The following MTDH variants were observed in gnomAD, a reference collection of about 807,000 sequenced individuals.
MTDH encodes the protein protein LYRIC.
In MTDH, 34 loss-of-function variants were observed where a neutral mutation model predicts 72.7. That is an observed-to-expected ratio of 0.47 (90% confidence interval 0.36 to 0.62). MTDH has a LOEUF of 0.62. Ranked by LOEUF, MTDH falls within the 20% of genes least tolerant of loss-of-function variation. MTDH has a pLI of 0.00. For missense variants in MTDH, 677 were observed against 699.4 expected, an observed-to-expected ratio of 0.97 and a Z score of 0.36; for synonymous variants, 266 against 268.9, an observed-to-expected ratio of 0.99 and a Z score of 0.10.
In MTDH at chr8:97,690,996, T is replaced by C. The variant is rs1264318416; in HGVS notation, c.856T>C (p.Trp286Arg). 7.4e-6 allele frequency: 12 copies of C among 1,613,954 alleles called. No individual in the cohort carries two copies. Among genetic ancestry groups the C allele is most frequent in the Non-Finnish European group, 1.0e-5 (12 of 1,179,922 alleles). Reference protein sequence around the residue: ...NENLTVNGGGWNEKSVKLSSQ... With the variant: ...NENLTVNGGGRNEKSVKLSSQ... ...AAACCTCACTGTCAATGGAGGAGGC[T>C]GGAATGAAAAGTCTGTAAAACTCTC... Residue 286 changes from tryptophan (W) to arginine (R), a missense_variant, in exon 6 of 12, where the codon TGG becomes CGG. Around this residue, in one of 3 missense-constraint regions of MTDH, gnomAD observed 467 missense variants for 469.1 expected, o/e 1.00. Transcript: ENST00000336273.
At chr8:97,688,647 G>A (rs1432912573) in intron 4 of MTDH, among the ~76,000 whole-genome samples, 1 of 152,180 alleles carries the variant, frequency 6.6e-6, no homozygotes, top group Non-Finnish European at 1.5e-5. Flanking sequence ...TTCATAAGGT[G>A]ATGTGTTTGC....
intron 10 of MTDH, 23 bp downstream of exon 10, chr8:97,719,212 T>C (rs1815005198): frequency 6.2e-7 from 1 of 1,608,768 alleles, no homozygotes. Flanking sequence ...AATAATAAAG[T>C]TGCCGGGCGC....
At chr8:97,679,091 C>T (rs919059931) in intron 2 of MTDH, among the ~76,000 whole-genome samples, 6 of 152,106 alleles carry the variant, frequency 3.9e-5, no homozygotes, top group African/African-American at 1.4e-4. Flanking sequence ...GATCCAATTC[C>T]AGTTCTAACA....
Position 97,678,594 on chromosome 8 carries a change from C to CTTTTTTTTTTTTTTTTTTTTTT in MTDH, c.484-8071_484-8050dup, listed in dbSNP as rs35895126. Among the ~76,000 whole-genome samples, 12 of 85,324 alleles carry CTTTTTTTTTTTTTTTTTTTTTT rather than the reference C, an allele frequency of 1.4e-4. 2 individuals carry two copies. In the East Asian group the frequency reaches 1.6e-3, roughly 12 times the overall value. 56.0% of individuals were successfully genotyped at this position (85,324 alleles called of 152,430 possible). On this transcript the variant is annotated intron_variant, in intron 2 of 11. Transcript: ENST00000336273. ...GTTTCCTTTGCTTCCTTCCTTCCTT[C>CTTTTTTTTTTTTTTTTTTTTTT]TTTTTTTTTTTTTTTTTTTTTTTTG... is the stretch of plus-strand genomic sequence containing the variant.
chr8:97,644,671 C>T lies in MTDH; in HGVS notation c.165C>T (p.Gly55=). The part of the protein sequence containing the change: ...KRYPGWVILV[G]TGALGLLLLF... ...ACCCCGGCTGGGTGATCCTGGTGGG[C>T]ACTGGCGCGCTCGGGCTGCTGCTGC... Residue 55 remains glycine, a synonymous_variant, in exon 1 of 12, where the codon GGC becomes GGT. Coordinates refer to ENST00000336273, the MANE Select transcript of MTDH (RefSeq NM_178812.4). The T allele has an allele frequency of 6.2e-7, 1 of 1,606,222 alleles. No homozygotes were observed. Among genetic ancestry groups the T allele is most frequent in the South Asian group, 1.1e-5 (1 of 90,250 alleles).
Position 97,667,465 on chromosome 8 carries a change from A to G in MTDH, c.483+6292A>G, listed in dbSNP as rs148734811. 2.1e-3 allele frequency among the ~76,000 whole-genome samples: 320 copies of G among 152,368 alleles called. 1 individual carries two copies. Among genetic ancestry groups the G allele is most frequent in the Non-Finnish European group, 3.0e-3 (201 of 68,040 alleles). Reference sequence around the variant, plus strand: ...AAAGTTTGCTGCAAAATGAAGACTGATGATTGTCTTGAGGAAAAACACTTA... The same window carrying G: ...AAAGTTTGCTGCAAAATGAAGACTGGTGATTGTCTTGAGGAAAAACACTTA... On this transcript the variant is annotated intron_variant, in intron 2 of 11. Transcript: ENST00000336273.
intron 7 of MTDH, among the ~76,000 whole-genome samples, chr8:97,705,686 T>C (rs746993340): frequency 3.3e-5 from 5 of 152,242 alleles, no homozygotes; most frequent in Non-Finnish European, 5.9e-5. Context: ...CATTTAAGCA[T>C]TGTTGGGACA....
chr8:97,645,654 G>C (rs976225688), intron 1 of MTDH, among the ~76,000 whole-genome samples: 3 of 152,216 alleles, frequency 2.0e-5, no homozygotes, highest in South Asian at 2.1e-4. Context: ...GCCGAGAGAG[G>C]AATTCAGGCA....
In MTDH at chr8:97,707,090, G is replaced by C. The variant is rs534610487; in HGVS notation, c.1272+340G>C. 3.2e-4 allele frequency among the ~76,000 whole-genome samples: 49 copies of C among 152,012 alleles called. No homozygotes were observed. The South Asian group carries it at 1.0e-2, about 31-fold the overall frequency. The stretch of plus-strand genomic sequence containing the variant: ...CGTGGTATCAGGAATGGTTTTGCTA[G>C]GGTTGGGGTGTTGTATTTTAATGAT... On this transcript the variant is annotated intron_variant, in intron 8 of 11. Coordinates refer to ENST00000336273, the MANE Select transcript of MTDH (RefSeq NM_178812.4).
At position 97,682,264 on chromosome 8, in the gene MTDH, A is replaced by T. The variant is rs1221375082; in HGVS notation, c.484-4404A>T. Among the ~76,000 whole-genome samples, 31 of 5,640 alleles carry T rather than the reference A, an allele frequency of 5.5e-3. 3 individuals carry two copies. The East Asian group carries it at 0.067, about 12-fold the overall frequency. 3.7% of individuals were successfully genotyped at this position (5,640 alleles called of 152,430 possible). On this transcript the variant is annotated intron_variant, in intron 2 of 11. Transcript: ENST00000336273. ...TATATATATATATATATATATATATATATATATATATATATATTTTTTTTT... is the reference window on the plus strand; with the variant it reads ...TATATATATATATATATATATATATTTATATATATATATATATTTTTTTTT...
chr8:97,659,256 C>A (rs114945050), intron 1 of MTDH, among the ~76,000 whole-genome samples: 1 of 152,118 alleles, frequency 6.6e-6, no homozygotes, highest in East Asian at 1.9e-4. Flanking sequence ...CCTTTACCCA[C>A]GTACTACCTC....
rs754725448 is a variant in MTDH at position 97,730,059 on chromosome 8, C to G, written c.*5389C>G. 2.0e-5 allele frequency among the ~76,000 whole-genome samples: 3 copies of G among 152,144 alleles called. No homozygotes were observed. The highest frequency in any genetic ancestry group is 4.4e-5 in the Non-Finnish European group (3 of 68,036). On this transcript the variant is annotated 3_prime_UTR_variant, in exon 12 of 12. Transcript: ENST00000336273. The stretch of plus-strand genomic sequence containing the variant: ...TAGTGTGTTGTAAGACATTTGCCAG[C>G]TAATAGTTACAGTACTGAAGCTTGT...
Position 97,729,903 on chromosome 8 carries a change from CTATA to C in MTDH, c.*5236_*5239del, listed in dbSNP as rs1235943982. Among the ~76,000 whole-genome samples the C allele has an allele frequency of 6.6e-6, 1 of 152,158 alleles. No individual in the cohort carries two copies. The highest frequency in any genetic ancestry group is 2.4e-5 in the African/African-American group (1 of 41,440). The stretch of plus-strand genomic sequence containing the variant: ...TGCCTGCGCATACTGCAAGTACAGA[CTATA>C]TAACAAGTTGAAAGAGAATCACCCT... On this transcript the variant is annotated 3_prime_UTR_variant, in exon 12 of 12. Coordinates refer to ENST00000336273, the MANE Select transcript of MTDH (RefSeq NM_178812.4).
chr8:97,664,069 C>G (rs190059404), intron 2 of MTDH, among the ~76,000 whole-genome samples: 3 of 152,056 alleles, frequency 2.0e-5, no homozygotes. Context: ...TAATTTGATA[C>G]AGTTGGCCGG....
chr8:97,718,433 A>G (rs1233239223), intron 9 of MTDH, among the ~76,000 whole-genome samples: 1 of 152,198 alleles, frequency 6.6e-6, no homozygotes, highest in African/African-American at 2.4e-5. Flanking sequence ...ATTTATCTAG[A>G]AAATTAACTT....
chr8:97,666,722 C>T (rs1237217713), intron 2 of MTDH, among the ~76,000 whole-genome samples: 4 of 152,068 alleles, frequency 2.6e-5, no homozygotes, highest in Non-Finnish European at 4.4e-5. Flanking sequence ...GTTTTTGAGA[C>T]AGTCTCACTC....
At chr8:97,714,604 CAAA>C in intron 9 of MTDH, among the ~76,000 whole-genome samples, 1 of 123,858 alleles carries the variant, frequency 8.1e-6, no homozygotes. Flanking sequence ...GAACCTGTCT[CAAA>C]AAAAAAAAAA....
chr8:97,710,425 C>G (rs939680065), intron 8 of MTDH, among the ~76,000 whole-genome samples: 1 of 152,064 alleles, frequency 6.6e-6, no homozygotes, highest in African/African-American at 2.4e-5. Flanking sequence ...CGTGATGGCT[C>G]ACATTTGTAA....
chr8:97,680,453 A>G (rs188244645), intron 2 of MTDH, among the ~76,000 whole-genome samples: 15 of 152,328 alleles, frequency 9.8e-5, no homozygotes, highest in African/African-American at 3.6e-4. Context: ...ATATGTATTC[A>G]TTGTCATTTA....
Sources: gnomAD v4.1 joint callset for allele counts (sites outside exome capture counted in the v4.1 genomes callset) on GRCh38, gnomAD v4.1.1 for gene constraint, gnomAD v4.1.1 regional missense constraint, MANE v1.5 for transcripts, NCBI Gene and HGNC (gene_info 2026-07-23, HGNC 2026-07-21) for gene names.